Variants in RAB6A observed in about 807,000 individuals in gnomAD.
RAB6A encodes the protein RAB6A, member RAS oncogene family, also known as ras-related protein Rab-6A.
In RAB6A, 8 loss-of-function variants were observed where a neutral mutation model predicts 32.3. The ratio of observed to expected loss-of-function variants is 0.25; its 90% CI spans 0.15 to 0.45. The LOEUF is 0.45. RAB6A is among the 20% of genes least tolerant of loss of function. RAB6A has a pLI of 1.00. For missense variants in RAB6A, 104 were observed against 249.4 expected (o/e 0.42, Z 3.93); for synonymous variants, 73 against 82.1 (o/e 0.89, Z 0.60).
intron 6 of RAB6A, among the ~76,000 whole-genome samples, chr11:73,683,048 A>C (rs2134866131): frequency 6.6e-6 from 1 of 152,300 alleles, no homozygotes; most frequent in Middle Eastern, 3.4e-3. Context: ...AAATTGAGTC[A>C]AAAGTGTTCT....
chr11:73,719,300 A>C (rs1946098832), intron 3 of RAB6A, among the ~76,000 whole-genome samples: 1 of 152,256 alleles, frequency 6.6e-6, no homozygotes, highest in South Asian at 2.1e-4. Flanking sequence ...TATCAGAGTA[A>C]AGGAATTAAT....
At chr11:73,707,351 C>T (rs1945863532) in intron 6 of RAB6A, 69 bp downstream of exon 6, 2 of 1,147,608 alleles carry the variant, frequency 1.7e-6, no homozygotes, top group Non-Finnish European at 2.6e-6. Flanking sequence ...GAAACCTATA[C>T]ACCAGAGAAT....
At chr11:73,704,768 G>A (rs1264694145) in intron 6 of RAB6A, among the ~76,000 whole-genome samples, 2 of 141,982 alleles carry the variant, frequency 1.4e-5, no homozygotes. Context: ...AGGCCGAGGT[G>A]GGCAGATCAC....
At chr11:73,727,779 T>C (rs1368468203) in intron 2 of RAB6A, among the ~76,000 whole-genome samples, 1 of 152,132 alleles carries the variant, frequency 6.6e-6, no homozygotes, top group African/African-American at 2.4e-5. Flanking sequence ...AAAATAAAAA[T>C]GGTTTAATAA....
At chr11:73,722,341 A>T (rs1292937591) in intron 2 of RAB6A, 621 of 8,616 alleles carry the variant, frequency 0.072, 25 homozygotes, top group African/African-American at 0.15. Flanking sequence ...ATATATATAT[A>T]TATTTTTTTT....
intron 1 of RAB6A, among the ~76,000 whole-genome samples, chr11:73,739,113 CA>C (rs1946447283): frequency 6.7e-6 from 1 of 149,142 alleles, no homozygotes; most frequent in African/African-American, 2.5e-5. Flanking sequence ...ACTAAAAATA[CA>C]AAAATTAGGC....
chr11:73,760,889 G>A lies in RAB6A; in HGVS notation c.-254C>T, dbSNP rs11556231. ...GAAGGGAAGGAGGGCGGTGTCGGCA[G>A]GAGCCAGGGGTGTCCTCTGGCTTCC... On this transcript the variant is annotated 5_prime_UTR_variant, in exon 1 of 8. Transcript: ENST00000336083. The A allele has an allele frequency of 6.4e-6, 3 of 468,002 alleles. No individual in the cohort carries two copies. The highest frequency in any genetic ancestry group is 1.2e-3 in the Middle Eastern group (2 of 1,718). The allele number at this position is 468,002 out of a possible 1,614,324, so 29.0% of individuals were successfully genotyped here.
intron 6 of RAB6A, among the ~76,000 whole-genome samples, chr11:73,701,077 G>A (rs1463730848): frequency 6.6e-6 from 1 of 152,114 alleles, no homozygotes; most frequent in East Asian, 1.9e-4. Flanking sequence ...TATGTGATGT[G>A]CATTATAATC....
intron 1 of RAB6A, among the ~76,000 whole-genome samples, chr11:73,746,013 G>C (rs1274474027): frequency 6.6e-6 from 1 of 151,408 alleles, no homozygotes; most frequent in Non-Finnish European, 1.5e-5. Flanking sequence ...AAAAAAGAAA[G>C]AAAGAAATAG....
At position 73,730,835 on chromosome 11, in the gene RAB6A, C is replaced by T. The variant is rs370496760; in HGVS notation, c.71-12G>A. 29 of 1,588,388 alleles carry T rather than the reference C, an allele frequency of 1.8e-5. No individual in the cohort carries two copies. Among genetic ancestry groups the T allele is most frequent in the African/African-American group, 8.2e-5 (6 of 72,912 alleles). ...AGATGTCTTTCCAACTGAAATGAAA[C>T]GAAAAAAAGATTTGCTCAGTGAACA... On this transcript the variant is annotated splice_polypyrimidine_tract_variant and intron_variant, in intron 1 of 7. Coordinates refer to ENST00000336083, the MANE Select transcript of RAB6A (RefSeq NM_198896.2).
intron 1 of RAB6A, among the ~76,000 whole-genome samples, chr11:73,757,889 C>T (rs868861314): frequency 3.9e-5 from 6 of 152,124 alleles, no homozygotes; most frequent in East Asian, 1.9e-4. Flanking sequence ...CCTGGCTCTA[C>T]GCTAGGCAAT....
At chr11:73,729,831 C>T (rs1216843810) in intron 2 of RAB6A, 1 of 152,780 alleles carries the variant, frequency 6.5e-6, no homozygotes, top group Non-Finnish European at 1.5e-5. Flanking sequence ...TCACCCGGGC[C>T]AGGTACTAGA....
At chr11:73,760,161 G>A in intron 1 of RAB6A, 1 of 1,235,188 alleles carries the variant, frequency 8.1e-7, no homozygotes, top group Non-Finnish European at 1.1e-6. Flanking sequence ...GGGCTTCCCT[G>A]AGTGGGCCTC....
chr11:73,751,434 A>C (rs571474843), intron 1 of RAB6A, among the ~76,000 whole-genome samples: 1 of 152,318 alleles, frequency 6.6e-6, no homozygotes, highest in South Asian at 2.1e-4. Context: ...TAAACCGACA[A>C]TGGGGAAAGC....
rs1231102849 is a variant in RAB6A at position 73,722,307 on chromosome 11, A to ATGTGTGTGTG, written c.130-1409_130-1408insCACACACACA. ...AATTCAAATATATATGTGTGTGTGT[A>ATGTGTGTGTG]TATATATATATATATATATATATAT... On this transcript the variant is annotated intron_variant, in intron 2 of 7. Transcript: ENST00000336083. 7.3e-3 allele frequency: 458 copies of ATGTGTGTGTG among 62,446 alleles called. 18 individuals are homozygous for ATGTGTGTGTG. The highest frequency in any genetic ancestry group is 0.025 in the South Asian group (34 of 1,374). The allele number at this position is 62,446 out of a possible 1,614,324, so 3.9% of individuals were successfully genotyped here.
chr11:73,682,459 C>A (rs12275204), intron 6 of RAB6A, among the ~76,000 whole-genome samples: 1,635 of 152,190 alleles, frequency 0.011, 26 homozygotes, highest in African/African-American at 0.035. Flanking sequence ...GTCAGGAGAT[C>A]GAGACCATCT....
At chr11:73,744,978 G>GAAA (rs58654043) in intron 1 of RAB6A, among the ~76,000 whole-genome samples, 1 of 83,126 alleles carries the variant, frequency 1.2e-5, no homozygotes, top group Non-Finnish European at 2.8e-5. Context: ...CATCTCAAAA[G>GAAA]AAAAAAAAAA....
chr11:73,734,179 G>A (rs1349216181), intron 1 of RAB6A, among the ~76,000 whole-genome samples: 1 of 152,188 alleles, frequency 6.6e-6, no homozygotes, highest in Non-Finnish European at 1.5e-5. Flanking sequence ...AGGCTGGAGT[G>A]CAGTGACACG....
chr11:73,706,010 A>G (rs1945836166), intron 6 of RAB6A, among the ~76,000 whole-genome samples: 1 of 152,188 alleles, frequency 6.6e-6, no homozygotes, highest in African/African-American at 2.4e-5. Flanking sequence ...AAAGGAAACA[A>G]AAGCATGAGC....
Sources: allele counts gnomAD v4.1 joint callset (sites outside exome capture counted in the v4.1 genomes callset), GRCh38; gene constraint gnomAD v4.1.1; transcripts MANE v1.5; gene names NCBI Gene and HGNC (gene_info 2026-07-23, HGNC 2026-07-21).